Variants in SPON1 observed in about 807,000 individuals in gnomAD.
SPON1 encodes spondin 1, also known as spondin-1.
In SPON1, 52 loss-of-function variants were observed where a neutral mutation model predicts 111.7. That is an observed-to-expected ratio of 0.47 (90% CI 0.37 to 0.59). The LOEUF (loss-of-function observed/expected upper bound fraction) is 0.59. Ranked by LOEUF, SPON1 falls within the 20% of genes least tolerant of loss-of-function variation. The pLI, the probability that SPON1 is intolerant of heterozygous loss-of-function variation, is 0.00. For missense variants in SPON1, 957 were observed against 1,068.5 expected (o/e 0.90, Z 1.46); for synonymous variants, 410 against 395.8 (o/e 1.04, Z -0.43).
At chr11:14,011,736 A>C (rs1407000315) in intron 2 of SPON1, among the ~76,000 whole-genome samples, 2 of 152,142 alleles carry the variant, frequency 1.3e-5, no homozygotes, top group African/African-American at 4.8e-5. Flanking sequence ...CTCAGTGAGG[A>C]TCTGATGGAC....
intron 5 of SPON1, among the ~76,000 whole-genome samples, chr11:14,131,422 T>C (rs1847528510): frequency 6.6e-6 from 1 of 152,178 alleles, no homozygotes; most frequent in South Asian, 2.1e-4. Flanking sequence ...GTATTGTTCA[T>C]TGAATCCCTG....
At chr11:14,196,491 G>T (rs568500553) in intron 6 of SPON1, among the ~76,000 whole-genome samples, 4 of 152,142 alleles carry the variant, frequency 2.6e-5, no homozygotes, top group African/African-American at 9.6e-5. Flanking sequence ...TCCCAATAAA[G>T]CTGCTATTTT....
intron 6 of SPON1, among the ~76,000 whole-genome samples, chr11:14,187,688 C>T (rs1554934194): frequency 6.6e-6 from 1 of 152,132 alleles, no homozygotes. Context: ...AATCTCGGCA[C>T]ACTGCAACCT....
rs1265930167 is a variant in SPON1, at chr11:14,228,534, T to G, written c.826-14798T>G. On this transcript the variant is annotated intron_variant, in intron 6 of 15. Coordinates refer to ENST00000576479, the MANE Select transcript of SPON1 (RefSeq NM_006108.4). The surrounding 1 kb of genome is among the most constrained non-coding windows in gnomAD (Gnocchi z 4.2). ...CCAACTCACTGGGCTGGGTGGCTCT[T>G]CAGAGTTGTCCTGCCTTGGGGACAA... 2.0e-5 allele frequency among the ~76,000 whole-genome samples: 3 copies of G among 152,208 alleles called. No homozygotes were observed. Among genetic ancestry groups the G allele is most frequent in the South Asian group, 4.1e-4 (2 of 4,830 alleles).
intron 3 of SPON1, among the ~76,000 whole-genome samples, chr11:14,052,677 C>T (rs1445353209): frequency 2.0e-5 from 3 of 152,170 alleles, no homozygotes; most frequent in Admixed American, 2.0e-4. Flanking sequence ...ATCTGCCATC[C>T]AACAGGTGGA....
At chr11:14,132,554 C>T (rs114340411) in intron 5 of SPON1, among the ~76,000 whole-genome samples, 1,836 of 152,180 alleles carry the variant, frequency 0.012, 34 homozygotes, top group African/African-American at 0.042. Flanking sequence ...GTAATTAATC[C>T]GCTTATCCAT....
intron 6 of SPON1, among the ~76,000 whole-genome samples, chr11:14,202,291 G>A (rs1198670705): frequency 6.6e-6 from 1 of 152,194 alleles, no homozygotes; most frequent in African/African-American, 2.4e-5. Flanking sequence ...CAAGGGAGAC[G>A]CAGGACGCTA....
intron 14 of SPON1, 32 bp downstream of exon 14, chr11:14,260,784 T>G (rs1554941841): frequency 1.2e-6 from 2 of 1,600,368 alleles, no homozygotes; most frequent in Non-Finnish European, 1.7e-6. Context: ...GGCCCATCAC[T>G]TCTATGTTCC....
At chr11:14,011,197 G>T (rs1362790151) in intron 2 of SPON1, among the ~76,000 whole-genome samples, 4 of 152,170 alleles carry the variant, frequency 2.6e-5, no homozygotes, top group Non-Finnish European at 5.9e-5. Context: ...CAGAAGCTCA[G>T]AAGAAAGAGC....
At chr11:13,983,048 C>A in intron 2 of SPON1, 95 bp downstream of exon 2, 1 of 803,844 alleles carries the variant, frequency 1.2e-6, no homozygotes, top group Non-Finnish European at 2.0e-6. Context: ...CCCATGCAGT[C>A]CCTTGACCGT....
At chr11:14,043,751 G>A (rs1167911599) in intron 3 of SPON1, among the ~76,000 whole-genome samples, 1 of 152,190 alleles carries the variant, frequency 6.6e-6, no homozygotes, top group African/African-American at 2.4e-5. Context: ...AGAAGCATTA[G>A]ATCTTTTTGG....
rs1849291393 is a variant in SPON1 at position 14,267,988 on chromosome 11, T to G, written c.*2301T>G. On this transcript the variant is annotated 3_prime_UTR_variant, in exon 16 of 16. Coordinates refer to ENST00000576479, the MANE Select transcript of SPON1 (RefSeq NM_006108.4). The stretch of plus-strand genomic sequence containing the variant: ...CAACAGCAAGAAGTTCAGAGAGAGA[T>G]TTCCCAACCAGACATTGGGTCACTC... 1 of 152,176 alleles carries G rather than the reference T, an allele frequency of 6.6e-6. No homozygotes were observed. Among genetic ancestry groups the G allele is most frequent in the Non-Finnish European group, 1.5e-5 (1 of 68,032 alleles). The allele number at this position is 152,176 out of a possible 1,614,324, so 9.4% of individuals were successfully genotyped here.
chr11:14,115,890 C>T (rs1474695859), intron 5 of SPON1, among the ~76,000 whole-genome samples: 1 of 152,050 alleles, frequency 6.6e-6, no homozygotes, highest in African/African-American at 2.4e-5. Context: ...AATCTACATC[C>T]TTGCCCATAC....
At chr11:14,152,326 C>T (rs1221333836) in intron 6 of SPON1, among the ~76,000 whole-genome samples, 3 of 152,208 alleles carry the variant, frequency 2.0e-5, no homozygotes, top group Non-Finnish European at 2.9e-5. Flanking sequence ...ACTCCAGTTA[C>T]AGTACTTCTT....
intron 6 of SPON1, among the ~76,000 whole-genome samples, chr11:14,174,826 G>C (rs1443254360): frequency 6.6e-6 from 1 of 151,970 alleles, no homozygotes; most frequent in Non-Finnish European, 1.5e-5. Context: ...TAATCATAGT[G>C]CTCTCTAAAA....
At chr11:14,001,692 G>T (rs1034861521) in intron 2 of SPON1, among the ~76,000 whole-genome samples, 2 of 152,160 alleles carry the variant, frequency 1.3e-5, no homozygotes, top group Non-Finnish European at 2.9e-5. Context: ...AGAGAGGGCT[G>T]CAAGGCATAA....
chr11:13,966,680 A>G (rs1243796637), intron 1 of SPON1, among the ~76,000 whole-genome samples: 1 of 152,214 alleles, frequency 6.6e-6, no homozygotes, highest in Non-Finnish European at 1.5e-5. Context: ...TTTGTCCCAC[A>G]CTGAGACACA....
chr11:14,057,876 G>A (rs1848758955), intron 3 of SPON1, among the ~76,000 whole-genome samples: 1 of 131,672 alleles, frequency 7.6e-6, no homozygotes. Flanking sequence ...AATTAGCTGG[G>A]CATGGTGATG....
intron 15 of SPON1, among the ~76,000 whole-genome samples, chr11:14,263,392 CTT>C (rs1849213821): frequency 1.3e-5 from 2 of 152,246 alleles, no homozygotes; most frequent in Admixed American, 1.3e-4. Flanking sequence ...TCAAAGGAGT[CTT>C]GTCTTGTTCA....
Sources: gnomAD v4.1 joint callset for allele counts (sites outside exome capture counted in the v4.1 genomes callset) on GRCh38, gnomAD v4.1.1 for gene constraint, Gnocchi (gnomAD v3.1) non-coding constraint, MANE v1.5 for transcripts, NCBI Gene and HGNC (gene_info 2026-07-23, HGNC 2026-07-21) for gene names.